Variants in ZFR2 observed in about 807,000 individuals in gnomAD.
ZFR2 encodes zinc finger RNA-binding protein 2.
Under a neutral mutation model 105.7 loss-of-function variants are expected in ZFR2, and 104 were observed. The observed-to-expected ratio is 0.98, with a 90% CI of 0.84 to 1.16. The LOEUF is 1.16. Among genes scored for constraint, ZFR2 ranks in the 50% most tolerant of loss-of-function variants. The pLI is 0.00. For synonymous variants in ZFR2, 634 were observed against 597.7 expected (o/e 1.06, Z -0.89); for missense variants, 1,425 against 1,355.5 (o/e 1.05, Z -0.80).
intron 1 of ZFR2, among the ~76,000 whole-genome samples, chr19:3,860,422 G>A (rs981881269): frequency 1.3e-5 from 2 of 152,132 alleles, no homozygotes; most frequent in Non-Finnish European, 2.9e-5. Flanking sequence ...ACCAGGACCC[G>A]CCTGGTTCCT....
At position 3,810,755 on chromosome 19, in the gene ZFR2, C is replaced by A. The variant is rs2037753884; in HGVS notation, c.2428G>T (p.Ala810Ser). 6.5e-7 allele frequency: 1 copy of A among 1,549,330 alleles called. No individual in the cohort carries two copies. The highest frequency in any genetic ancestry group is 8.7e-7 in the Non-Finnish European group (1 of 1,146,384). The change falls in exon 16 of 19, where the codon GCC becomes TCC. Residue 810 changes from alanine (A) to serine (S), a missense_variant. Transcript: ENST00000262961. ...GCCGCCAGGCACTGCCTTACCCAGG[C>A]TGGCAGGGCCCCCCAGGTGGGCACA... ...RRVPTWGALP[A>S]WAMELLVEKA...
intron 1 of ZFR2, among the ~76,000 whole-genome samples, chr19:3,853,910 A>G (rs1025022052): frequency 6.0e-5 from 9 of 151,248 alleles, no homozygotes; most frequent in Admixed American, 2.0e-4. Context: ...CCCCGCCTCT[A>G]CAAAGTCTCT....
At chr19:3,867,308 G>GGGGA (rs1555762893) in intron 1 of ZFR2, among the ~76,000 whole-genome samples, 1 of 151,488 alleles carries the variant, frequency 6.6e-6, no homozygotes, top group Non-Finnish European at 1.5e-5. Context: ...AACTGTTGGG[G>GGGGA]GGGGAATCTG....
chr19:3,825,342 C>A lies in ZFR2; in HGVS notation c.1101G>T (p.Glu367Asp). ...GCTTGGCCTCTGCCCCGGGGGGGCT[C>A]TCTGTGGCCAGTGCAGGCTCGAGGG... is the stretch of plus-strand genomic sequence containing the variant. The part of the protein sequence containing the change: ...IPTLEPALAT[E>D]SPPGAEAKPT... Residue 367 changes from glutamate to aspartate, a missense_variant, in exon 7 of 19, where the codon GAG (glutamate) becomes GAT (aspartate). Transcript: ENST00000262961. 6.3e-7 allele frequency: 1 copy of A among 1,590,596 alleles called. No homozygotes were observed. The highest frequency in any genetic ancestry group is 8.5e-7 in the Non-Finnish European group (1 of 1,171,470).
In ZFR2 at chr19:3,868,978, C is replaced by T; in HGVS notation, c.40G>A (p.Gly14Ser). 1.5e-6 allele frequency: 2 copies of T among 1,366,272 alleles called. No homozygotes were observed. The highest frequency in any genetic ancestry group is 1.8e-5 in the South Asian group (1 of 54,876). 84.6% of individuals were successfully genotyped at this position (1,366,272 alleles called of 1,614,324 possible). Residue 14 changes from glycine to serine, a missense_variant, in exon 1 of 19, where the codon GGC (glycine) becomes AGC (serine). Transcript: ENST00000262961. ...CGGGGCAGTTACCTGTACTGCGGGC[C>T]GCCGCCCTGCGCGAAGTCGAAATAC... is the stretch of plus-strand genomic sequence containing the variant. ...SQYFDFAQGG[G>S]PQYSAQPPTL...
chr19:3,823,910 G>A lies in ZFR2; in HGVS notation c.1214-507C>T, dbSNP rs1487219428. On this transcript the variant is annotated intron_variant, in intron 7 of 18. Coordinates refer to ENST00000262961, the MANE Select transcript of ZFR2 (RefSeq NM_015174.2). The surrounding 1 kb of genome is among the most constrained non-coding windows in gnomAD (Gnocchi z 5.4). ...CCCACGCACAGCACGGTGGTCCAGG[G>A]CAGAGACTCTTAGACAGACCCGGGT... Among the ~76,000 whole-genome samples the A allele has an allele frequency of 6.6e-6, 1 of 152,162 alleles. No individual in the cohort carries two copies. Among genetic ancestry groups the A allele is most frequent in the Non-Finnish European group, 1.5e-5 (1 of 68,030 alleles).
At chr19:3,828,836 C>T (rs141889271) in intron 5 of ZFR2, among the ~76,000 whole-genome samples, 299 of 152,268 alleles carry the variant, frequency 2.0e-3, no homozygotes, top group African/African-American at 6.1e-3. Context: ...GGCACTGCCC[C>T]GTCACCTGCA....
chr19:3,821,928 G>A (rs556351671), intron 9 of ZFR2, among the ~76,000 whole-genome samples, 153 bp downstream of exon 9: 122 of 152,176 alleles, frequency 8.0e-4, no homozygotes, highest in African/African-American at 2.8e-3. Flanking sequence ...CTTTTGAGAC[G>A]AGGACCAAGA....
chr19:3,808,776 CTG>C (rs1006135544), intron 17 of ZFR2, 94 bp downstream of exon 17: 2 of 1,042,526 alleles, frequency 1.9e-6, no homozygotes, highest in Admixed American at 2.8e-5. Context: ...GACACTTCCT[CTG>C]TGTCTGTGAC....
intron 1 of ZFR2, among the ~76,000 whole-genome samples, chr19:3,847,303 C>G (rs115386134): frequency 1.3e-5 from 2 of 152,084 alleles, no homozygotes; most frequent in Non-Finnish European, 2.9e-5. Flanking sequence ...GCAGGAGGAT[C>G]GCTTAAGCCC....
rs1044587332 is a variant in ZFR2, at chr19:3,821,394, C to A, written c.1577G>T (p.Arg526Leu). ...KVLEERMRKQRHLAEERLEQL... is the reference protein window; with the variant it reads ...KVLEERMRKQLHLAEERLEQL... ...CTCCAGCCGCTCCTCCGCCAGGTGC[C>A]GCTGCTTCCTCATGCGCTCCTCCAG... is the stretch of plus-strand genomic sequence containing the variant. Residue 526 changes from arginine to leucine, a missense_variant, in exon 10 of 19, where the codon CGG becomes CTG. By Grantham distance (102) the Arg-to-Leu change is moderately radical. Coordinates refer to ENST00000262961, the MANE Select transcript of ZFR2 (RefSeq NM_015174.2). The A allele has an allele frequency of 6.2e-7, 1 of 1,610,962 alleles. No individual in the cohort carries two copies. Among genetic ancestry groups the A allele is most frequent in the Non-Finnish European group, 8.5e-7 (1 of 1,179,214 alleles).
chr19:3,847,100 C>T (rs965887623), intron 1 of ZFR2, among the ~76,000 whole-genome samples: 10 of 152,208 alleles, frequency 6.6e-5, no homozygotes, highest in South Asian at 2.1e-4. Flanking sequence ...TTTCCTCACA[C>T]GGCTTGAGTG....
At chr19:3,867,964 A>T (rs1242221086) in intron 1 of ZFR2, among the ~76,000 whole-genome samples, 2 of 148,256 alleles carry the variant, frequency 1.3e-5, no homozygotes, top group Non-Finnish European at 3.0e-5. Flanking sequence ...ATCAGGGGTC[A>T]GTGCCCTCCA....
intron 13 of ZFR2, among the ~76,000 whole-genome samples, chr19:3,814,896 GGGCCTCCTGCTTTTT>G (rs2037808476): frequency 6.6e-6 from 1 of 151,920 alleles, no homozygotes; most frequent in South Asian, 2.1e-4. Flanking sequence ...TCCTTGCTCT[GGGCCTCCTGCTTTTT>G]GGCCTCTGCA....
intron 14 of ZFR2, among the ~76,000 whole-genome samples, chr19:3,812,465 G>C (rs2037775781): frequency 6.6e-6 from 1 of 152,192 alleles, no homozygotes; most frequent in South Asian, 2.1e-4. Flanking sequence ...GACAGGAAGT[G>C]CACTTTCCTG....
intron 7 of ZFR2, among the ~76,000 whole-genome samples, chr19:3,824,924 G>A (rs769524562): frequency 1.3e-5 from 2 of 152,166 alleles, no homozygotes; most frequent in Non-Finnish European, 2.9e-5. Flanking sequence ...AGGACAGAGC[G>A]AGGCTCCATC....
intron 1 of ZFR2, among the ~76,000 whole-genome samples, chr19:3,856,118 G>A (rs565635367): frequency 1.5e-3 from 233 of 152,334 alleles, no homozygotes; most frequent in African/African-American, 5.3e-3. Context: ...AGGGGCGTGC[G>A]CTCAAGGTCA....
intron 9 of ZFR2, 75 bp downstream of exon 9, chr19:3,822,004 CGA>C: frequency 1.3e-6 from 2 of 1,508,234 alleles, no homozygotes; most frequent in East Asian, 5.0e-5. Flanking sequence ...GGAAGAGGCC[CGA>C]CCACAGGCCT....
intron 1 of ZFR2, among the ~76,000 whole-genome samples, chr19:3,835,646 T>G (rs1171305273): frequency 8.6e-5 from 13 of 150,990 alleles, no homozygotes. Flanking sequence ...AAATTGAACT[T>G]TAACAGCACA....
Sources: gnomAD v4.1 joint callset for allele counts (sites outside exome capture counted in the v4.1 genomes callset) on GRCh38, gnomAD v4.1.1 for gene constraint, Gnocchi (gnomAD v3.1) non-coding constraint, MANE v1.5 for transcripts, NCBI Gene and HGNC (gene_info 2026-07-23, HGNC 2026-07-21) for gene names.